The following BCHE variants were observed in gnomAD, a reference collection of about 807,000 sequenced individuals.
BCHE encodes butyrylcholinesterase, also known as cholinesterase.
Under a neutral mutation model 51.3 loss-of-function variants are expected in BCHE, and 48 were observed. That is an observed-to-expected ratio of 0.94 (90% confidence interval 0.74 to 1.19). BCHE has a LOEUF of 1.19. Among genes scored for constraint, BCHE ranks in the 50% most tolerant of loss-of-function variants. The probability of loss-of-function intolerance (pLI) is 0.00; values close to 1 mark genes in which losing one functional copy is unlikely to be tolerated. For missense variants in BCHE, 847 were observed against 708.2 expected (o/e 1.20, Z -2.23); for synonymous variants, 251 against 238.0 (o/e 1.05, Z -0.50).
intron 2 of BCHE, among the ~76,000 whole-genome samples, chr3:165,827,133 T>C (rs1359887522): frequency 2.0e-5 from 3 of 152,158 alleles, no homozygotes; most frequent in Non-Finnish European, 4.4e-5. Context: ...TTCACTTAAT[T>C]ATTCAAAGCT....
chr3:165,778,277 C>T (rs116448250), intron 3 of BCHE: 203 of 152,798 alleles, frequency 1.3e-3, no homozygotes, highest in Admixed American at 3.5e-3. Context: ...ATTCCTGATG[C>T]GAATGAACCA....
At chr3:165,828,791 A>C (rs1714830287) in intron 2 of BCHE, among the ~76,000 whole-genome samples, 1 of 152,010 alleles carries the variant, frequency 6.6e-6, no homozygotes, top group African/African-American at 2.4e-5. Flanking sequence ...ATATATTCTA[A>C]ATGGTTATTT....
chr3:165,810,072 TGACA>T (rs1714034779), intron 2 of BCHE, among the ~76,000 whole-genome samples: 1 of 152,080 alleles, frequency 6.6e-6, no homozygotes, highest in Non-Finnish European at 1.5e-5. Flanking sequence ...GCTTACTAAG[TGACA>T]GACAGATTGA....
chr3:165,789,839 C>T (rs1005157511), intron 2 of BCHE, among the ~76,000 whole-genome samples: 1 of 151,964 alleles, frequency 6.6e-6, no homozygotes, highest in Non-Finnish European at 1.5e-5. Flanking sequence ...CTTCATTCAA[C>T]CATATTTATA....
intron 2 of BCHE, among the ~76,000 whole-genome samples, chr3:165,799,506 C>T (rs1369805458): frequency 6.6e-6 from 1 of 151,916 alleles, no homozygotes; most frequent in Non-Finnish European, 1.5e-5. Flanking sequence ...TGTATATCTA[C>T]ATAAAAGATG....
At chr3:165,778,415 A>G (rs564322501) in intron 3 of BCHE, 53 of 176,438 alleles carry the variant, frequency 3.0e-4, no homozygotes, top group East Asian at 1.8e-3. Flanking sequence ...ACTCGTGAAT[A>G]TAGTAAAAGA....
intron 2 of BCHE, among the ~76,000 whole-genome samples, chr3:165,812,741 T>A (rs146334444): frequency 1.7e-3 from 263 of 152,148 alleles, no homozygotes; most frequent in African/African-American, 6.2e-3. Flanking sequence ...TGAAAAAGGC[T>A]TCAATATTCT....
At position 165,830,513 on chromosome 3, in the gene BCHE, T is replaced by A. The variant is rs147790353; in HGVS notation, c.521A>T (p.Tyr174Phe). Residue 174 changes from tyrosine (Y) to phenylalanine (F), a missense_variant, in exon 2 of 4, where the codon TAT becomes TTT. Physicochemically the swap from Tyr to Phe is conservative, Grantham distance 22. Transcript: ENST00000264381. Reference protein sequence around the residue: ...VERVIVVSMNYRVGALGFLAL... With the variant: ...VERVIVVSMNFRVGALGFLAL... Reference sequence around the variant, plus strand: ...TAAGAATCCTAGGGCACCCACCCTATAGTTCATTGACACTACAATAACTCT... The same window carrying A: ...TAAGAATCCTAGGGCACCCACCCTAAAGTTCATTGACACTACAATAACTCT... 3.1e-6 allele frequency: 5 copies of A among 1,613,852 alleles called. No homozygotes were observed. The highest frequency in any genetic ancestry group is 1.3e-5 in the African/African-American group (1 of 74,914).
chr3:165,777,761 C>A, intron 3 of BCHE: 1 of 450,204 alleles, frequency 2.2e-6, no homozygotes, highest in Non-Finnish European at 4.5e-6. Flanking sequence ...ACAGCGAGAC[C>A]AACAGCTCCT....
At chr3:165,833,138 T>C (rs951481009) in intron 1 of BCHE, among the ~76,000 whole-genome samples, 22 of 152,146 alleles carry the variant, frequency 1.4e-4, no homozygotes, top group African/African-American at 5.3e-4. Flanking sequence ...TTCAGTTCTG[T>C]TTGGTACAAT....
intron 2 of BCHE, among the ~76,000 whole-genome samples, chr3:165,818,099 G>C (rs1472860547): frequency 6.6e-6 from 1 of 152,006 alleles, no homozygotes. Flanking sequence ...AGAATCAGAA[G>C]CATCTTGTTT....
At chr3:165,815,426 G>T (rs1714276712) in intron 2 of BCHE, among the ~76,000 whole-genome samples, 2 of 152,016 alleles carry the variant, frequency 1.3e-5, no homozygotes, top group Admixed American at 6.6e-5. Flanking sequence ...GTGGAATTTT[G>T]AGTAGCTTCA....
chr3:165,832,721 G>A (rs1295571269), intron 1 of BCHE, among the ~76,000 whole-genome samples: 2 of 151,998 alleles, frequency 1.3e-5, no homozygotes, highest in African/African-American at 4.8e-5. Flanking sequence ...CTGTAATTAG[G>A]TTGCTGAAAT....
At position 165,785,609 on chromosome 3, in the gene BCHE, T is replaced by C. The variant is rs542335612; in HGVS notation, c.1684+536A>G. On this transcript the variant is annotated intron_variant, in intron 3 of 3. Transcript: ENST00000264381. ...TAATATTATATCATATCATATTATG[T>C]AATGTGCGTGTGTGCTCTTAGATAA... Among the ~76,000 whole-genome samples the C allele has an allele frequency of 8.6e-5, 13 of 151,858 alleles. 1 individual carries two copies. In the South Asian group the frequency reaches 2.7e-3, roughly 31 times the overall value.
chr3:165,802,644 A>C (rs1284337540), intron 2 of BCHE, among the ~76,000 whole-genome samples: 2 of 150,064 alleles, frequency 1.3e-5, no homozygotes, highest in Non-Finnish European at 3.0e-5. Context: ...TTTTTTTTGT[A>C]ATTGTAAATG....
chr3:165,828,152 G>A, intron 2 of BCHE: 2 of 436,686 alleles, frequency 4.6e-6, no homozygotes, highest in South Asian at 1.6e-5. Flanking sequence ...GCAACTCTAG[G>A]AATTAAAGAA....
intron 2 of BCHE, among the ~76,000 whole-genome samples, chr3:165,801,470 G>T (rs1560011439): frequency 6.6e-6 from 1 of 152,012 alleles, no homozygotes; most frequent in Admixed American, 6.6e-5. Context: ...CAGAAATATT[G>T]TTATGATCAA....
At chr3:165,818,087 G>A (rs939986761) in intron 2 of BCHE, among the ~76,000 whole-genome samples, 9 of 152,010 alleles carry the variant, frequency 5.9e-5, no homozygotes, top group Non-Finnish European at 1.2e-4. Context: ...AGGGAATGCT[G>A]AAGAATCAGA....
intron 2 of BCHE, among the ~76,000 whole-genome samples, chr3:165,788,267 A>T (rs1361529960): frequency 6.6e-6 from 1 of 152,092 alleles, no homozygotes; most frequent in Non-Finnish European, 1.5e-5. Context: ...ATATTTTATC[A>T]TAGATGCAGA....
Sources: gnomAD v4.1 joint callset for allele counts (sites outside exome capture counted in the v4.1 genomes callset) on GRCh38, gnomAD v4.1.1 for gene constraint, MANE v1.5 for transcripts, NCBI Gene and HGNC (gene_info 2026-07-23, HGNC 2026-07-21) for gene names.